Variants in KCND2 observed in about 807,000 individuals in gnomAD.
KCND2 encodes the protein potassium voltage-gated channel subfamily D member 2, also known as A-type voltage-gated potassium channel KCND2.
A neutral mutation model predicts 54.4 loss-of-function variants in KCND2; 16 were observed. That is an observed-to-expected ratio of 0.29 (90% CI 0.20 to 0.45). KCND2 has a LOEUF of 0.45. Ranked by LOEUF, KCND2 falls within the 20% of genes least tolerant of loss-of-function variation. The pLI, the probability that KCND2 is intolerant of heterozygous loss-of-function variation, is 1.00. For missense variants in KCND2, 486 were observed against 824.2 expected, an observed-to-expected ratio of 0.59 and a Z score of 5.02; for synonymous variants, 317 against 310.7, an observed-to-expected ratio of 1.02 and a Z score of -0.21.
At chr7:120,325,142 A>G (rs979934863) in intron 1 of KCND2, among the ~76,000 whole-genome samples, 4 of 145,654 alleles carry the variant, frequency 2.7e-5, no homozygotes, top group East Asian at 2.0e-4. Flanking sequence ...ATTTTTGCAC[A>G]TTGATTTTGT....
At chr7:120,728,319 C>T (rs1417424213) in intron 1 of KCND2, among the ~76,000 whole-genome samples, 4 of 141,342 alleles carry the variant, frequency 2.8e-5, no homozygotes, top group Non-Finnish European at 6.1e-5. Context: ...GAGATGGAGT[C>T]TCGCTCTTGT....
At chr7:120,677,295 G>A (rs527554480) in intron 1 of KCND2, among the ~76,000 whole-genome samples, 1 of 152,102 alleles carries the variant, frequency 6.6e-6, no homozygotes, top group African/African-American at 2.4e-5. Flanking sequence ...GGTTCTTTCA[G>A]TAGCCAGTCA....
intron 2 of KCND2, 97 bp downstream of exon 2, chr7:120,733,162 T>TGCAACTACTGACCAATC: frequency 2.4e-6 from 3 of 1,239,984 alleles, no homozygotes; most frequent in Non-Finnish European, 3.5e-6. Flanking sequence ...TCTGGATTGG[T>TGCAACTACTGACCAATC]CAGTAGTTGC....
At chr7:120,744,332 G>A (rs1328646677) in intron 4 of KCND2, among the ~76,000 whole-genome samples, 1 of 151,688 alleles carries the variant, frequency 6.6e-6, no homozygotes, top group Admixed American at 6.6e-5. Flanking sequence ...CCTTTTTTGA[G>A]GGCTTTTTTT....
Position 120,746,028 on chromosome 7 carries a change from G to A in KCND2, c.1715+1G>A. ...TGGAGAGAACACCTCTGTCTAACAG[G>A]TACCTGAGATTAATCTGTGTTGTCT... On this transcript the variant is annotated splice_donor_variant, in intron 5 of 5. Coordinates refer to ENST00000331113, the MANE Select transcript of KCND2 (RefSeq NM_012281.3). LOFTEE classifies it high-confidence loss of function. 6.2e-7 allele frequency: 1 copy of A among 1,612,656 alleles called. No homozygotes were observed. The highest frequency in any genetic ancestry group is 8.5e-7 in the Non-Finnish European group (1 of 1,179,634).
At chr7:120,541,941 A>G (rs970442685) in intron 1 of KCND2, among the ~76,000 whole-genome samples, 1 of 152,208 alleles carries the variant, frequency 6.6e-6, no homozygotes, top group African/African-American at 2.4e-5. Context: ...AAATCATTAT[A>G]ATGTTCTGAA....
At chr7:120,681,837 C>A (rs117523100) in intron 1 of KCND2, among the ~76,000 whole-genome samples, 2,897 of 151,880 alleles carry the variant, frequency 0.019, 62 homozygotes, top group Non-Finnish European at 0.025. Context: ...TGTCCTTTAC[C>A]GAATGTCCAT....
At chr7:120,721,603 G>A (rs1792666508) in intron 1 of KCND2, among the ~76,000 whole-genome samples, 1 of 152,102 alleles carries the variant, frequency 6.6e-6, no homozygotes, top group Non-Finnish European at 1.5e-5. Context: ...GTCTTTGGGA[G>A]GTTAAATCAC....
In KCND2 at chr7:120,275,810, C is replaced by T. The variant is rs762485122; in HGVS notation, c.1115+63C>T. 17 of 1,526,106 alleles carry T rather than the reference C, an allele frequency of 1.1e-5. No homozygotes were observed. The Admixed American group carries it at 2.2e-4, about 20-fold the overall frequency. 94.5% of individuals were successfully genotyped at this position (1,526,106 alleles called of 1,614,324 possible). On this transcript the variant is annotated intron_variant, in intron 1 of 5. Coordinates refer to ENST00000331113, the MANE Select transcript of KCND2 (RefSeq NM_012281.3). ...ATGGGTGAGGCGATTGTGGACCCAT[C>T]GAGGTTACATGGTAACTCCGGGGAA...
At chr7:120,371,234 C>T (rs1010883653) in intron 1 of KCND2, among the ~76,000 whole-genome samples, 2 of 151,980 alleles carry the variant, frequency 1.3e-5, no homozygotes, top group African/African-American at 4.8e-5. Context: ...ATATACATGT[C>T]CCACAGACAG....
chr7:120,330,280 C>T (rs999039501), intron 1 of KCND2, among the ~76,000 whole-genome samples: 7 of 151,792 alleles, frequency 4.6e-5, no homozygotes, highest in African/African-American at 1.2e-4. Context: ...AAGTGCCTGG[C>T]GCATAATAAA....
chr7:120,559,817 A>G (rs1792211613), intron 1 of KCND2, among the ~76,000 whole-genome samples: 2 of 152,124 alleles, frequency 1.3e-5, no homozygotes, highest in Admixed American at 6.5e-5. Flanking sequence ...TCTGCATCAG[A>G]ATGTGAGTTC....
intron 1 of KCND2, among the ~76,000 whole-genome samples, chr7:120,321,041 C>G (rs1460825733): frequency 6.6e-6 from 1 of 152,076 alleles, no homozygotes; most frequent in African/African-American, 2.4e-5. Context: ...TAGTACCTTC[C>G]CAGCATTAAA....
In KCND2 at chr7:120,689,896, A is replaced by G. The variant is rs563972755; in HGVS notation, c.1116-43007A>G. 3.6e-4 allele frequency among the ~76,000 whole-genome samples: 55 copies of G among 152,296 alleles called. 1 individual carries two copies. The South Asian group carries it at 0.011, about 31-fold the overall frequency. On this transcript the variant is annotated intron_variant, in intron 1 of 5. Transcript: ENST00000331113. ...AGCCACGGGCTTCTCATTCCTCTCT[A>G]TCAGTATTGGGGAGTTGAAACACTT...
At chr7:120,705,981 T>C (rs1792462126) in intron 1 of KCND2, among the ~76,000 whole-genome samples, 1 of 152,122 alleles carries the variant, frequency 6.6e-6, no homozygotes, top group African/African-American at 2.4e-5. Context: ...CTTTATTGAC[T>C]AACTTCTATT....
intron 1 of KCND2, among the ~76,000 whole-genome samples, chr7:120,316,937 G>A (rs915583724): frequency 4.6e-5 from 7 of 151,892 alleles, no homozygotes; most frequent in Non-Finnish European, 1.0e-4. Context: ...CCGGGTTCAA[G>A]CGATTTTCCT....
At chr7:120,724,680 G>C (rs182099474) in intron 1 of KCND2, among the ~76,000 whole-genome samples, 48 of 152,256 alleles carry the variant, frequency 3.2e-4, no homozygotes, top group African/African-American at 1.0e-3. Context: ...AGATATGTGA[G>C]AGTGAAAGGA....
chr7:120,507,522 A>G (rs1364684556), intron 1 of KCND2, among the ~76,000 whole-genome samples: 1 of 151,938 alleles, frequency 6.6e-6, no homozygotes, highest in African/African-American at 2.4e-5. Context: ...TGCAATTTAT[A>G]AATTTTCCTT....
intron 1 of KCND2, among the ~76,000 whole-genome samples, chr7:120,429,054 A>G (rs1801755869): frequency 6.6e-6 from 1 of 152,172 alleles, no homozygotes; most frequent in South Asian, 2.1e-4. Flanking sequence ...TCCTAGAGAG[A>G]AGAAAACTAG....
Sources: allele counts gnomAD v4.1 joint callset (sites outside exome capture counted in the v4.1 genomes callset), GRCh38; gene constraint gnomAD v4.1.1; transcripts MANE v1.5; gene names NCBI Gene and HGNC (gene_info 2026-07-23, HGNC 2026-07-21).